Variants in COL1A1 observed in about 807,000 individuals in gnomAD.
COL1A1 encodes the protein collagen alpha-1(I) chain.
COL1A1 carries 21 observed loss-of-function variants against 195.7 expected under a neutral mutation model. The ratio of observed to expected loss-of-function variants is 0.11; its 90% CI spans 0.08 to 0.15. The LOEUF (loss-of-function observed/expected upper bound fraction) is 0.15, where lower values mean the gene tolerates loss of function less well. Among genes scored for constraint, COL1A1 ranks in the 10% least tolerant of loss-of-function variants. The pLI is 1.00. For missense variants in COL1A1, 1,365 were observed against 2,051.0 expected (o/e 0.67, Z 6.46); for synonymous variants, 749 against 747.3 (o/e 1.00, Z -0.04).
chr17:50,187,772 A>C, intron 45 of COL1A1, 104 bp downstream of exon 45: 1 of 1,123,338 alleles, frequency 8.9e-7, no homozygotes, highest in Non-Finnish European at 1.3e-6. Context: ...AGTCCCCACT[A>C]GGGAGGGGAA....
chr17:50,185,675 G>C lies in COL1A1; in HGVS notation c.4249-27C>G, dbSNP rs372204030. 6 of 1,612,700 alleles carry C rather than the reference G, an allele frequency of 3.7e-6. No individual in the cohort carries two copies. In the African/African-American group the frequency reaches 5.3e-5, roughly 14 times the overall value. ...TGGGGTGGGGCGGAGACAACGGGAG[G>C]GGGCATTACCACGTGGGAGTGATGG... On this transcript the variant is annotated intron_variant, in intron 50 of 50. Transcript: ENST00000225964.
chr17:50,185,769 G>C lies in COL1A1; in HGVS notation c.4248+9C>G. 1 of 1,613,166 alleles carries C rather than the reference G, an allele frequency of 6.2e-7. No individual in the cohort carries two copies. The highest frequency in any genetic ancestry group is 8.5e-7 in the Non-Finnish European group (1 of 1,179,952). On this transcript the variant is annotated intron_variant, in intron 50 of 50. Transcript: ENST00000225964. ...GGTGGGGCCCTGCCTGGGGATTCTGGGCACTCACCGTGCAGCCATCGACAG... is the reference window on the plus strand; with the variant it reads ...GGTGGGGCCCTGCCTGGGGATTCTGCGCACTCACCGTGCAGCCATCGACAG...
rs1907786360 is a variant in COL1A1 at position 50,198,420 on chromosome 17, C to T, written c.543+13G>A. On this transcript the variant is annotated intron_variant, in intron 6 of 50. Transcript: ENST00000225964. ...TCTCTCTTCTGTCATCCATGCTCCCCCTGCTGGCTCACCATGGGGCCAGGC... is the reference window on the plus strand; with the variant it reads ...TCTCTCTTCTGTCATCCATGCTCCCTCTGCTGGCTCACCATGGGGCCAGGC... 3 of 1,612,394 alleles carry T rather than the reference C, an allele frequency of 1.9e-6. No homozygotes were observed. In the African/African-American group the frequency reaches 4.0e-5, roughly 22 times the overall value.
rs1378366666 is a variant in COL1A1 at position 50,194,294 on chromosome 17, C to G, written c.1614+55G>C. Reference sequence around the variant, plus strand: ...TGATCCAGAACGCCTCATCCCAGACCCTACACGGGATGGTCAGGGCCTGGC... The same window carrying G: ...TGATCCAGAACGCCTCATCCCAGACGCTACACGGGATGGTCAGGGCCTGGC... On this transcript the variant is annotated intron_variant, in intron 23 of 50. Transcript: ENST00000225964. This position sits in a 1 kb window ranked among gnomAD's most constrained non-coding sequence, Gnocchi z 6.8. The G allele has an allele frequency of 6.2e-7, 1 of 1,606,448 alleles. No homozygotes were observed. Among genetic ancestry groups the G allele is most frequent in the Non-Finnish European group, 8.5e-7 (1 of 1,173,746 alleles).
intron 1 of COL1A1, among the ~76,000 whole-genome samples, chr17:50,201,126 C>A (rs533829417): frequency 3.9e-5 from 6 of 151,976 alleles, no homozygotes; most frequent in Non-Finnish European, 7.4e-5. Flanking sequence ...TTTCCTCACT[C>A]TGCACCCAGA....
Position 50,194,023 on chromosome 17 carries a change from C to A in COL1A1, c.1687G>T (p.Gly563Cys). 1 of 1,614,102 alleles carries A rather than the reference C, an allele frequency of 6.2e-7. No individual in the cohort carries two copies. The highest frequency in any genetic ancestry group is 2.2e-5 in the East Asian group (1 of 44,876). ...GGTGGGCCTGGGGGTCCGGGGCGAC[C>A]ATCTTGACCGGCGGGACCCTAAGGA... ...TGPPGPAGQD[G>C]RPGPPGPPGA... The change falls in exon 25 of 51, where the codon GGT (glycine) becomes TGT (cysteine). Residue 563 changes from glycine to cysteine, a missense_variant. Coordinates refer to ENST00000225964, the MANE Select transcript of COL1A1 (RefSeq NM_000088.4). This position sits in a 1 kb window ranked among gnomAD's most constrained non-coding sequence, Gnocchi z 6.8.
intron 28 of COL1A1, 55 bp downstream of exon 28, chr17:50,192,585 A>G: frequency 6.2e-7 from 1 of 1,614,030 alleles, no homozygotes; most frequent in African/African-American, 1.3e-5. Context: ...GGAAGAGACC[A>G]AAGAGGTGTT....
intron 25 of COL1A1, chr17:50,193,384 A>G: frequency 4.8e-6 from 2 of 416,034 alleles, no homozygotes; most frequent in Non-Finnish European, 8.7e-6. Flanking sequence ...TCCTATCCCC[A>G]CGTGTCGGGG....
At chr17:50,201,345 GC>G in intron 1 of COL1A1, 65 bp downstream of exon 1, 6 of 1,451,724 alleles carry the variant, frequency 4.1e-6, no homozygotes, top group African/African-American at 1.4e-5. Context: ...TTAAGCCGCG[GC>G]CCCCGGGACC....
rs768576692 is a variant in COL1A1 at position 50,199,304 on chromosome 17, T to A, written c.393A>T (p.Arg131=). 1.5e-5 allele frequency: 23 copies of A among 1,541,948 alleles called. No individual in the cohort carries two copies. In the East Asian group the frequency reaches 4.6e-4, roughly 31 times the overall value. ...GTCCAGGCTGTCCAGGGATGCCATC[T>A]CGGCCAGGGGGGCCTGCGGGTCCCT... is the stretch of plus-strand genomic sequence containing the variant. ...GPRGPAGPPG[R]DGIPGQPGLP... The change falls in exon 5 of 51, where the codon CGA becomes CGT. Residue 131 remains arginine, a synonymous_variant. Coordinates refer to ENST00000225964, the MANE Select transcript of COL1A1 (RefSeq NM_000088.4).
In COL1A1 at chr17:50,186,793, C is replaced by T. The variant is rs1291760050; in HGVS notation, c.3661G>A (p.Ala1221Thr). Residue 1221 changes from alanine (A) to threonine (T), a missense_variant, in exon 48 of 51, where the codon GCC becomes ACC. Around this residue, in one of 5 missense-constraint regions of COL1A1, gnomAD observed 273 missense variants for 338.6 expected, o/e 0.81. Transcript: ENST00000225964. This position sits in a 1 kb window ranked among gnomAD's most constrained non-coding sequence, Gnocchi z 5.3. ...DGGRYYRADD[A>T]NVVRDRDLEV... ...AGGTCACGGTCACGAACCACATTGG[C>T]ATCATCAGCCCGGTAGTAGCGGCCA... 3.7e-6 allele frequency: 6 copies of T among 1,614,064 alleles called. No homozygotes were observed. The highest frequency in any genetic ancestry group is 1.3e-5 in the African/African-American group (1 of 74,932).
chr17:50,188,923 G>T lies in COL1A1; in HGVS notation c.3025C>A (p.Pro1009Thr). 6.2e-7 allele frequency: 1 copy of T among 1,610,882 alleles called. No individual in the cohort carries two copies. Among genetic ancestry groups the T allele is most frequent in the Non-Finnish European group, 8.5e-7 (1 of 1,177,228 alleles). Residue 1009 changes from proline to threonine, a missense_variant, in exon 41 of 51, where the codon CCT becomes ACT. By Grantham distance (38) the Pro-to-Thr change is conservative. Coordinates refer to ENST00000225964, the MANE Select transcript of COL1A1 (RefSeq NM_000088.4). This position sits in a 1 kb window ranked among gnomAD's most constrained non-coding sequence, Gnocchi z 5.6. ...CTCACCTCACGTCCAGATTCACCAG[G>T]GGGTCCAGCCAATCCAGGGGGGCCC... ...PMGPPGLAGPPGESGREGAPG... is the reference protein window; with the variant it reads ...PMGPPGLAGPTGESGREGAPG...
At chr17:50,201,283 C>A in intron 1 of COL1A1, 128 bp downstream of exon 1, 3 of 879,554 alleles carry the variant, frequency 3.4e-6, no homozygotes, top group Middle Eastern at 2.2e-4. Flanking sequence ...CGAGGAAGAG[C>A]CCTCATCATC....
At chr17:50,200,513 C>G (rs1907992129) in intron 1 of COL1A1, among the ~76,000 whole-genome samples, 1 of 152,192 alleles carries the variant, frequency 6.6e-6, no homozygotes, top group Non-Finnish European at 1.5e-5. Context: ...CCTCCAGCAC[C>G]TAGACATCTT....
chr17:50,200,045 T>G, intron 1 of COL1A1, 98 bp from the exon 2 acceptor site: 5 of 1,221,602 alleles, frequency 4.1e-6, no homozygotes, highest in Non-Finnish European at 6.0e-6. Flanking sequence ...GATTTTTCAC[T>G]TCCCGCCCCT....
Position 50,200,156 on chromosome 17 carries a change from C to A in COL1A1, c.104-209G>T, listed in dbSNP as rs571932540. 4.8e-6 allele frequency: 3 copies of A among 620,070 alleles called. No individual in the cohort carries two copies. In the African/African-American group the frequency reaches 5.5e-5, roughly 11 times the overall value. The allele number at this position is 620,070 out of a possible 1,614,324, so 38.4% of individuals were successfully genotyped here. ...CTGGCCAGGGAGGCTGTAACTCTTT[C>A]CAGTTCTCAGGAATTTAAACAAAGC... On this transcript the variant is annotated intron_variant, in intron 1 of 50. Transcript: ENST00000225964.
rs1178993082 is a variant in COL1A1 at position 50,184,282 on chromosome 17, A to C, written c.*1220T>G. 4.3e-6 allele frequency: 1 copy of C among 230,872 alleles called. No individual in the cohort carries two copies. The highest frequency in any genetic ancestry group is 8.6e-6 in the Non-Finnish European group (1 of 116,374). 14.3% of individuals were successfully genotyped at this position (230,872 alleles called of 1,614,324 possible). A position where few individuals can be genotyped will look rare whatever the true frequency, so the allele number is the denominator to read the frequency against. On this transcript the variant is annotated 3_prime_UTR_variant, in exon 51 of 51. Coordinates refer to ENST00000225964, the MANE Select transcript of COL1A1 (RefSeq NM_000088.4). Reference sequence around the variant, plus strand: ...GGGGACAGAGGACGCAGGACAGACTAGGAGGGAGCCGGGAGGATGGGCTGC... The same window carrying C: ...GGGGACAGAGGACGCAGGACAGACTCGGAGGGAGCCGGGAGGATGGGCTGC...
At position 50,192,018 on chromosome 17, in the gene COL1A1, G is replaced by A. The variant is rs1366295620; in HGVS notation, c.1990C>T (p.Pro664Ser). 1.2e-6 allele frequency: 2 copies of A among 1,612,834 alleles called. No individual in the cohort carries two copies. The highest frequency in any genetic ancestry group is 3.3e-4 in the Middle Eastern group (2 of 6,060). The change falls in exon 30 of 51, where the codon CCT (proline) becomes TCT (serine). Residue 664 changes from proline to serine, a missense_variant. Coordinates refer to ENST00000225964, the MANE Select transcript of COL1A1 (RefSeq NM_000088.4). ...EAGKPGEQGV[P>S]GDLGAPGPSG... is the part of the protein sequence containing the mutation. ...GGGCCAGGGGCGCCAAGGTCTCCAGGAACACCCTGAGGGGGAGGGAGAGAG... is the reference window on the plus strand; with the variant it reads ...GGGCCAGGGGCGCCAAGGTCTCCAGAAACACCCTGAGGGGGAGGGAGAGAG...
chr17:50,194,064 C>T lies in COL1A1; in HGVS notation c.1669-23G>A. On this transcript the variant is annotated intron_variant, in intron 24 of 50. Coordinates refer to ENST00000225964, the MANE Select transcript of COL1A1 (RefSeq NM_000088.4). The surrounding 1 kb of genome is among the most constrained non-coding windows in gnomAD (Gnocchi z 6.8). Reference sequence around the variant, plus strand: ...ACCCTAAGGATGGGAGGCACGAAAGCAGCAGTGAGGACAGCAGGGAGGCAG... The same window carrying T: ...ACCCTAAGGATGGGAGGCACGAAAGTAGCAGTGAGGACAGCAGGGAGGCAG... The T allele has an allele frequency of 6.2e-7, 1 of 1,612,242 alleles. No homozygotes were observed. Among genetic ancestry groups the T allele is most frequent in the Non-Finnish European group, 8.5e-7 (1 of 1,178,570 alleles).
Sources: gnomAD v4.1 joint callset for allele counts (sites outside exome capture counted in the v4.1 genomes callset) on GRCh38, gnomAD v4.1.1 for gene constraint, gnomAD v4.1.1 regional missense constraint, Gnocchi (gnomAD v3.1) non-coding constraint, MANE v1.5 for transcripts, NCBI Gene and HGNC (gene_info 2026-07-23, HGNC 2026-07-21) for gene names.